TSHZ3: variants seen among roughly 807,000 people sequenced by gnomAD.
TSHZ3 encodes the protein teashirt zinc finger homeobox 3, also known as teashirt homolog 3.
In TSHZ3, 10 loss-of-function variants were observed where a neutral mutation model predicts 64.5. That is an observed-to-expected ratio of 0.16 (90% confidence interval 0.10 to 0.26). TSHZ3 has a LOEUF of 0.26. Among genes scored for constraint, TSHZ3 ranks in the 10% least tolerant of loss-of-function variants. The pLI, the probability that TSHZ3 is intolerant of heterozygous loss-of-function variation, is 1.00. For synonymous variants in TSHZ3, 608 were observed against 593.1 expected, an observed-to-expected ratio of 1.03 and a Z score of -0.36; for missense variants, 1,242 against 1,421.7, an observed-to-expected ratio of 0.87 and a Z score of 2.03.
intron 5 of TSHZ3, among the ~76,000 whole-genome samples, chr19:31,181,404 T>C (rs1187882868): frequency 6.6e-6 from 1 of 152,122 alleles, no homozygotes; most frequent in African/African-American, 2.4e-5. Context: ...TTTTGGAAGA[T>C]GTACCATCTG....
chr19:31,350,269 C>T (rs995587362), upstream of TSHZ3, among the ~76,000 whole-genome samples: 1 of 150,768 alleles, frequency 6.6e-6, no homozygotes, highest in Non-Finnish European at 1.5e-5. Context: ...CCACCCAGCT[C>T]CTCCCCCAGG....
At chr19:31,182,426 C>T (rs1306890304) in intron 5 of TSHZ3, among the ~76,000 whole-genome samples, 1 of 152,160 alleles carries the variant, frequency 6.6e-6, no homozygotes, top group East Asian at 1.9e-4. Flanking sequence ...GGCACTGTTT[C>T]ACTCCACAGT....
At chr19:31,181,772 G>T (rs1433803850) in intron 5 of TSHZ3, among the ~76,000 whole-genome samples, 1 of 152,002 alleles carries the variant, frequency 6.6e-6, no homozygotes, top group Non-Finnish European at 1.5e-5. Flanking sequence ...GCTTTTTTTT[G>T]TTGTTGCTGG....
At chr19:31,313,619 G>C (rs1916520781) in intron 1 of TSHZ3, among the ~76,000 whole-genome samples, 2 of 152,328 alleles carry the variant, frequency 1.3e-5, no homozygotes, top group South Asian at 4.1e-4. Context: ...ACCTCTCCCA[G>C]ACACCCAGGA....
chr19:31,231,410 G>A (rs1018428457), intron 3 of TSHZ3, among the ~76,000 whole-genome samples: 5 of 152,058 alleles, frequency 3.3e-5, no homozygotes, highest in African/African-American at 4.8e-5. Context: ...CCCCGATCCC[G>A]ACTTCACCAC....
chr19:31,220,335 G>A (rs1288850527), intron 4 of TSHZ3, among the ~76,000 whole-genome samples: 1 of 152,182 alleles, frequency 6.6e-6, no homozygotes, highest in African/African-American at 2.4e-5. Context: ...TCATCCAAAA[G>A]TTGCCCCATG....
At position 31,349,128 on chromosome 19, in the gene TSHZ3, C is replaced by A; in HGVS notation, c.40+52G>T. On this transcript the variant is annotated intron_variant, in intron 1 of 1. Transcript: ENST00000240587. ...GGTCGCGCCCGCTGGAGGCGCGGGG[C>A]GAGCGGAGGAAGAGGAGGAGGAGAG... The A allele has an allele frequency of 2.6e-6, 4 of 1,521,662 alleles. No homozygotes were observed. The Admixed American group carries it at 6.1e-5, about 23-fold the overall frequency. 94.3% of individuals were successfully genotyped at this position (1,521,662 alleles called of 1,614,324 possible). A position where few individuals can be genotyped will look rare whatever the true frequency, so the allele number is the denominator to read the frequency against.
At chr19:31,269,097 G>A (rs1263438023) in intron 1 of TSHZ3, among the ~76,000 whole-genome samples, 1 of 152,032 alleles carries the variant, frequency 6.6e-6, no homozygotes, top group Non-Finnish European at 1.5e-5. Flanking sequence ...ACTTCTTCCT[G>A]AGGGCTGTCA....
intron 1 of TSHZ3, among the ~76,000 whole-genome samples, chr19:31,329,090 T>G (rs1917004934): frequency 6.6e-6 from 1 of 152,164 alleles, no homozygotes; most frequent in Non-Finnish European, 1.5e-5. Flanking sequence ...TACACTAGGC[T>G]CCCAATCTTC....
chr19:31,212,671 A>G (rs1975274410), intron 4 of TSHZ3, among the ~76,000 whole-genome samples: 1 of 152,254 alleles, frequency 6.6e-6, no homozygotes, highest in Non-Finnish European at 1.5e-5. Context: ...AAAATGGAAC[A>G]GCCACTTGGA....
At chr19:31,193,105 T>C (rs1974936574) in intron 5 of TSHZ3, among the ~76,000 whole-genome samples, 1 of 152,136 alleles carries the variant, frequency 6.6e-6, no homozygotes, top group South Asian at 2.1e-4. Flanking sequence ...AAGGGAGACG[T>C]GTGAAAGAGA....
downstream of TSHZ3, among the ~76,000 whole-genome samples, chr19:31,274,376 C>T (rs1429629899): frequency 6.6e-6 from 1 of 152,106 alleles, no homozygotes; most frequent in Non-Finnish European, 1.5e-5. Flanking sequence ...TGGATGGGTT[C>T]AGTCTCCTCC....
intron 5 of TSHZ3, among the ~76,000 whole-genome samples, chr19:31,164,386 T>C (rs1169839011): frequency 6.6e-6 from 1 of 152,122 alleles, no homozygotes; most frequent in African/African-American, 2.4e-5. Context: ...TATTCATTAA[T>C]AACCAAAGAA....
At chr19:31,194,232 G>C (rs1315580144) in intron 5 of TSHZ3, among the ~76,000 whole-genome samples, 1 of 152,210 alleles carries the variant, frequency 6.6e-6, no homozygotes, top group African/African-American at 2.4e-5. Flanking sequence ...TCACAATTAA[G>C]TGAGTTTTAC....
chr19:31,235,542 A>ATG (rs373260594), intron 3 of TSHZ3, among the ~76,000 whole-genome samples: 1,792 of 149,108 alleles, frequency 0.012, 20 homozygotes, highest in African/African-American at 0.019. Context: ...CAATGTGTGT[A>ATG]TGTGTGTGTG....
At chr19:31,254,624 G>A (rs1008550678) in intron 1 of TSHZ3, among the ~76,000 whole-genome samples, 2 of 152,192 alleles carry the variant, frequency 1.3e-5, no homozygotes, top group African/African-American at 4.8e-5. Flanking sequence ...TGATTTTCAG[G>A]CCATCCGCCT....
chr19:31,345,998 G>A (rs967021792), intron 1 of TSHZ3, among the ~76,000 whole-genome samples: 15 of 152,128 alleles, frequency 9.9e-5, no homozygotes, highest in African/African-American at 3.4e-4. Context: ...GCAAACTCCC[G>A]CCCAGGTTTC....
chr19:31,195,064 G>A (rs903805534), intron 5 of TSHZ3, among the ~76,000 whole-genome samples: 1 of 152,042 alleles, frequency 6.6e-6, no homozygotes, highest in African/African-American at 2.4e-5. Context: ...AAAAAAATGG[G>A]GGGGAAGCAG....
At chr19:31,203,448 A>T (rs903279757) in intron 5 of TSHZ3, among the ~76,000 whole-genome samples, 2 of 151,860 alleles carry the variant, frequency 1.3e-5, no homozygotes, top group Non-Finnish European at 2.9e-5. Context: ...GTTTTAAAGG[A>T]TCTCTCTGGC....
Sources: gnomAD v4.1 joint callset for allele counts (sites outside exome capture counted in the v4.1 genomes callset) on GRCh38, gnomAD v4.1.1 for gene constraint, MANE v1.5 for transcripts, NCBI Gene and HGNC (gene_info 2026-07-23, HGNC 2026-07-21) for gene names.